Variants in GPC3 observed in about 807,000 individuals in gnomAD.
GPC3 encodes the protein glypican-3.
In GPC3, 3 loss-of-function variants were observed where a neutral mutation model predicts 34.4. The observed-to-expected ratio is 0.09, with a 90% CI of 0.04 to 0.23. The LOEUF (loss-of-function observed/expected upper bound fraction) is 0.23, where lower values mean the gene tolerates loss of function less well. GPC3 is among the 10% of genes least tolerant of loss of function. GPC3 has a pLI of 1.00. For missense variants in GPC3, 351 were observed against 445.6 expected (o/e 0.79, Z 1.91); for synonymous variants, 177 against 174.0 (o/e 1.02, Z -0.13).
intron 2 of GPC3, among the ~76,000 whole-genome samples, chrX:133,901,103 C>G (rs1293898097): frequency 9.0e-6 from 1 of 111,392 alleles, no homozygotes; most frequent in African/African-American, 3.3e-5. Context: ...CAGCATGCCA[C>G]TATAAAAATT....
At chrX:133,743,452 G>C (rs1367262656) in intron 3 of GPC3, among the ~76,000 whole-genome samples, 1 of 112,482 alleles carries the variant, frequency 8.9e-6, no homozygotes, top group African/African-American at 3.2e-5. Context: ...ACATTTTTCT[G>C]CCAGATACCT....
intron 2 of GPC3, among the ~76,000 whole-genome samples, chrX:133,861,365 G>A (rs1361665105): frequency 9.1e-6 from 1 of 110,432 alleles, no homozygotes; most frequent in African/African-American, 3.3e-5. Context: ...GATTCTAGGA[G>A]CTAGAATCTG....
chrX:133,684,571 A>T (rs1031212633), intron 5 of GPC3, among the ~76,000 whole-genome samples: 4 of 111,221 alleles, frequency 3.6e-5, no homozygotes, highest in Non-Finnish European at 7.5e-5. Flanking sequence ...TCCATTGTCC[A>T]TTGTTTATGT....
At chrX:133,579,041 C>A (rs2069711381) in intron 7 of GPC3, among the ~76,000 whole-genome samples, 1 of 111,343 alleles carries the variant, frequency 9.0e-6, no homozygotes, top group African/African-American at 3.3e-5. Flanking sequence ...TCTAGTCACA[C>A]CAAAGTGCAT....
chrX:133,612,385 C>A (rs184746495), intron 6 of GPC3, among the ~76,000 whole-genome samples: 1 of 112,165 alleles, frequency 8.9e-6, no homozygotes, highest in African/African-American at 3.2e-5. Flanking sequence ...CTTTCTAGCC[C>A]TATGGTAAAT....
intron 6 of GPC3, among the ~76,000 whole-genome samples, chrX:133,640,898 C>A (rs2124380191): frequency 9.0e-6 from 1 of 111,406 alleles, no homozygotes; most frequent in South Asian, 3.8e-4. Context: ...ATTAAATTGG[C>A]AAGACCCCTT....
At chrX:133,653,923 G>C (rs914594029) in intron 6 of GPC3, among the ~76,000 whole-genome samples, 1 of 111,458 alleles carries the variant, frequency 9.0e-6, no homozygotes, top group Non-Finnish European at 1.9e-5. Flanking sequence ...TCATTTCCCA[G>C]TCCCAGTGTT....
At chrX:133,554,091 G>A (rs968736788) in intron 7 of GPC3, among the ~76,000 whole-genome samples, 23 of 108,074 alleles carry the variant, frequency 2.1e-4, no homozygotes, top group Non-Finnish European at 4.0e-4. Context: ...TCGGCTCACT[G>A]CAACCTCCAC....
chrX:133,593,354 T>TAAAAAAAAAAAAAAAAAAA (rs1186766438), intron 7 of GPC3, among the ~76,000 whole-genome samples: 7 of 47,621 alleles, frequency 1.5e-4, no homozygotes, highest in East Asian at 1.2e-3. Context: ...AAAAAAAAAG[T>TAAAAAAAAAAAAAAAAAAA]AAAAAAAAAA....
At chrX:133,654,439 C>T (rs894624683) in intron 6 of GPC3, among the ~76,000 whole-genome samples, 10 of 111,641 alleles carry the variant, frequency 9.0e-5, no homozygotes, top group African/African-American at 2.6e-4. Flanking sequence ...CAGCCAGGCA[C>T]GGTGGCTCAC....
chrX:133,645,646 T>C (rs2070536119), intron 6 of GPC3, among the ~76,000 whole-genome samples: 2 of 111,659 alleles, frequency 1.8e-5, no homozygotes, highest in South Asian at 7.6e-4. Flanking sequence ...CATGGTGTTC[T>C]TTATTAGAGG....
At position 133,714,840 on chromosome X, in the gene GPC3, C is replaced by T. The variant is rs1004887396; in HGVS notation, c.1033-14812G>A. 2.6e-4 allele frequency among the ~76,000 whole-genome samples: 29 copies of T among 111,646 alleles called. 1 individual carries two copies. The highest frequency in any genetic ancestry group is 7.8e-4 in the African/African-American group (24 of 30,717). On this transcript the variant is annotated intron_variant, in intron 3 of 7. Transcript: ENST00000370818. ...AGTGAGCGTTGTGGCATTTTAACTT[C>T]CCTATTCTCATTCCTCCTCTCCAGT... is the stretch of plus-strand genomic sequence containing the variant.
intron 5 of GPC3, among the ~76,000 whole-genome samples, chrX:133,689,173 T>C (rs2071037767): frequency 9.0e-6 from 1 of 111,054 alleles, no homozygotes; most frequent in Admixed American, 9.7e-5. Flanking sequence ...GGATAGTATA[T>C]ATTAACAATA....
chrX:133,586,886 CATATA>C lies in GPC3; in HGVS notation c.1573+9549_1573+9553del, dbSNP rs2069793084. 2.7e-5 allele frequency among the ~76,000 whole-genome samples: 3 copies of C among 111,325 alleles called. No homozygotes were observed. In the South Asian group the frequency reaches 1.1e-3, roughly 42 times the overall value. On this transcript the variant is annotated intron_variant, in intron 7 of 7. Transcript: ENST00000370818. Reference sequence around the variant, plus strand: ...CGGGGTACATAGTGATGTTTTGATTCATATAATATATACTGATCAGATCAGGGTCA... The same window carrying C: ...CGGGGTACATAGTGATGTTTTGATTCATATATACTGATCAGATCAGGGTCA...
rs375562703 is a variant in GPC3 at position 133,771,029 on chromosome X, C to T, written c.338-16853G>A. On this transcript the variant is annotated intron_variant, in intron 2 of 7. Coordinates refer to ENST00000370818, the MANE Select transcript of GPC3 (RefSeq NM_004484.4). ...ACAGTATACACTATGAGGGCTCAATCCATCTGTGGAAAAGGAAATCCAGCT... is the reference window on the plus strand; with the variant it reads ...ACAGTATACACTATGAGGGCTCAATTCATCTGTGGAAAAGGAAATCCAGCT... 1.4e-4 allele frequency among the ~76,000 whole-genome samples: 16 copies of T among 111,369 alleles called. No individual in the cohort carries two copies. The East Asian group carries it at 2.8e-3, about 20-fold the overall frequency.
chrX:133,651,547 G>A (rs748947505), intron 6 of GPC3, among the ~76,000 whole-genome samples: 1 of 111,527 alleles, frequency 9.0e-6, no homozygotes, highest in Non-Finnish European at 1.9e-5. Context: ...TTATCCCCAT[G>A]GGGATATTAC....
At chrX:133,657,843 C>G (rs1448105197) in intron 6 of GPC3, among the ~76,000 whole-genome samples, 1 of 109,076 alleles carries the variant, frequency 9.2e-6, no homozygotes, top group Non-Finnish European at 1.9e-5. Flanking sequence ...TTGGGATGTG[C>G]TCATAAATGG....
chrX:133,880,249 T>C (rs1397023898), intron 2 of GPC3, among the ~76,000 whole-genome samples: 2 of 112,237 alleles, frequency 1.8e-5, no homozygotes, highest in Non-Finnish European at 3.8e-5. Context: ...ACAGATGCTA[T>C]TAAATAATTT....
chrX:133,802,470 A>G (rs919264842), intron 2 of GPC3, among the ~76,000 whole-genome samples: 1 of 111,889 alleles, frequency 8.9e-6, no homozygotes, highest in African/African-American at 3.2e-5. Flanking sequence ...TTTTTGCCCC[A>G]TGGGAAAACT....
Sources: allele counts gnomAD v4.1 joint callset (sites outside exome capture counted in the v4.1 genomes callset), GRCh38; gene constraint gnomAD v4.1.1; transcripts MANE v1.5; gene names NCBI Gene and HGNC (gene_info 2026-07-23, HGNC 2026-07-21).